The following ERMARD variants were observed in gnomAD, a reference collection of about 807,000 sequenced individuals.
ERMARD encodes ER membrane associated RNA degradation.
In ERMARD, 71 loss-of-function variants were observed where a neutral mutation model predicts 83.9. That is an observed-to-expected ratio of 0.85 (90% confidence interval 0.70 to 1.03). ERMARD has a LOEUF of 1.03. Among genes scored for constraint, ERMARD ranks in the 50% least tolerant of loss-of-function variants. ERMARD has a pLI of 0.00. For synonymous variants in ERMARD, 284 were observed against 298.6 expected, an observed-to-expected ratio of 0.95 and a Z score of 0.50; for missense variants, 838 against 810.9, an observed-to-expected ratio of 1.03 and a Z score of -0.41.
Position 169,764,875 on chromosome 6 carries a change from A to C in ERMARD, c.961-1763A>C, listed in dbSNP as rs138765273. Reference sequence around the variant, plus strand: ...CACAAAAGCGACCTTCCAGAGGCTCATCTACTCAAAGGTGGAGGCTGCTTT... The same window carrying C: ...CACAAAAGCGACCTTCCAGAGGCTCCTCTACTCAAAGGTGGAGGCTGCTTT... On this transcript the variant is annotated intron_variant, in intron 9 of 17. Transcript: ENST00000366773. Among the ~76,000 whole-genome samples the C allele has an allele frequency of 2.6e-5, 4 of 152,314 alleles. No individual in the cohort carries two copies. In the East Asian group the frequency reaches 7.7e-4, roughly 29 times the overall value.
At position 169,759,020 on chromosome 6, in the gene ERMARD, A is replaced by G; in HGVS notation, c.560A>G (p.Asn187Ser). The G allele has an allele frequency of 6.2e-7, 1 of 1,614,084 alleles. No homozygotes were observed. The highest frequency in any genetic ancestry group is 8.5e-7 in the Non-Finnish European group (1 of 1,179,984). ...VGSPCGLNLR[N>S]VLWHGFASPE... Reference sequence around the variant, plus strand: ...TCTCCGTGTGGTCTCAACCTGCGTAACGTCTTATGGCATGGGTTTGCGTCA... The same window carrying G: ...TCTCCGTGTGGTCTCAACCTGCGTAGCGTCTTATGGCATGGGTTTGCGTCA... Residue 187 changes from asparagine to serine, a missense_variant, in exon 6 of 18, where the codon AAC (asparagine) becomes AGC (serine). Physicochemically the swap from Asn to Ser is conservative, Grantham distance 46. Coordinates refer to ENST00000366773, the MANE Select transcript of ERMARD (RefSeq NM_018341.3).
At position 169,775,288 on chromosome 6, in the gene ERMARD, A is replaced by G. The variant is rs769990453; in HGVS notation, c.1336A>G (p.Ser446Gly). The G allele has an allele frequency of 3.1e-6, 5 of 1,614,222 alleles. No individual in the cohort carries two copies. In the South Asian group the frequency reaches 4.4e-5, roughly 14 times the overall value. ...LKKQVLSCEE[S>G]IRVWALLPFP... is the part of the protein sequence containing the mutation. Reference sequence around the variant, plus strand: ...CTCCCAGGTGCTGAGCTGTGAGGAGAGCATCAGGGTTTGGGCTCTGCTGCC... The same window carrying G: ...CTCCCAGGTGCTGAGCTGTGAGGAGGGCATCAGGGTTTGGGCTCTGCTGCC... Residue 446 changes from serine (S) to glycine (G), a missense_variant, in exon 14 of 18, where the codon AGC (serine) becomes GGC (glycine). Physicochemically the swap from Ser to Gly is moderately conservative, Grantham distance 56. Transcript: ENST00000366773.
chr6:169,755,035 T>C (rs1324839837), intron 2 of ERMARD, among the ~76,000 whole-genome samples: 2 of 152,210 alleles, frequency 1.3e-5, no homozygotes, highest in Non-Finnish European at 2.9e-5. Flanking sequence ...CAAAATAGTT[T>C]TCTCTTGTTT....
chr6:169,756,429 C>A lies in ERMARD; in HGVS notation c.407C>A (p.Ala136Asp). 6.2e-7 allele frequency: 1 copy of A among 1,605,648 alleles called. No homozygotes were observed. Residue 136 changes from alanine to aspartate, a missense_variant, in exon 4 of 18, where the codon GCC becomes GAC. Physicochemically the swap from Ala to Asp is moderately radical, Grantham distance 126. Transcript: ENST00000366773. Reference sequence around the variant, plus strand: ...AAACTGACATCGTGTCTAGAACGAGCCTTGGGTGATGTAAGTGTGAGAACT... The same window carrying A: ...AAACTGACATCGTGTCTAGAACGAGACTTGGGTGATGTAAGTGTGAGAACT... ...LMKLTSCLER[A>D]LGDVFLLIGK...
chr6:169,762,561 C>T (rs750959926), intron 9 of ERMARD, 30 bp downstream of exon 9: 3 of 1,565,666 alleles, frequency 1.9e-6, no homozygotes, highest in African/African-American at 2.7e-5. Flanking sequence ...TGATTGTGAT[C>T]ATTGTTGCTG....
Position 169,755,394 on chromosome 6 carries a change from C to T in ERMARD, c.287C>T (p.Pro96Leu), listed in dbSNP as rs765374947. Residue 96 changes from proline to leucine, a missense_variant, in exon 3 of 18, where the codon CCG (proline) becomes CTG (leucine). Coordinates refer to ENST00000366773, the MANE Select transcript of ERMARD (RefSeq NM_018341.3). ...TKGQFEIRYA[P>L]WFQWTSFPEL... is the part of the protein sequence containing the mutation. ...GGGCAATTTGAAATTCGATATGCAC[C>T]GTGGTTCCAGTGGACAAGTTTTCCA... 19 of 1,613,978 alleles carry T rather than the reference C, an allele frequency of 1.2e-5. No individual in the cohort carries two copies. The highest frequency in any genetic ancestry group is 2.2e-5 in the East Asian group (1 of 44,882).
chr6:169,762,442 G>GC lies in ERMARD; in HGVS notation c.873dup (p.Ile292HisfsTer12). On this transcript the variant is annotated frameshift_variant, in exon 9 of 18. Transcript: ENST00000366773. LOFTEE classifies it high-confidence loss of function. ...TCAATTTCATAGGTTTGCTGACTGC[G>GC]CCATATTGTTGCTGACACAACTGGA... 6.2e-7 allele frequency: 1 copy of GC among 1,613,746 alleles called. No homozygotes were observed. The highest frequency in any genetic ancestry group is 8.5e-7 in the Non-Finnish European group (1 of 1,179,876).
chr6:169,751,728 G>T (rs1050474518), intron 1 of ERMARD, 65 bp downstream of exon 1: 1 of 1,496,604 alleles, frequency 6.7e-7, no homozygotes, highest in Admixed American at 2.4e-5. Context: ...AGGCTGGGTG[G>T]TGCTCGGCTA....
Position 169,776,661 on chromosome 6 carries a change from G to C in ERMARD, c.1727G>C (p.Arg576Pro). 1 of 1,613,708 alleles carries C rather than the reference G, an allele frequency of 6.2e-7. No homozygotes were observed. The highest frequency in any genetic ancestry group is 1.1e-5 in the South Asian group (1 of 91,060). The change falls in exon 16 of 18, where the codon CGT becomes CCT. Residue 576 changes from arginine to proline, a missense_variant. Coordinates refer to ENST00000366773, the MANE Select transcript of ERMARD (RefSeq NM_018341.3). ...LRSRQRQNYL[R>P]MWSSIRLLSP... The stretch of plus-strand genomic sequence containing the variant: ...TCTCGCCAGCGGCAGAACTACCTGC[G>C]TATGTGGAGTAGGTGCGCGCTCACT...
chr6:169,759,326 AC>A (rs1791223167), intron 6 of ERMARD, among the ~76,000 whole-genome samples: 1 of 151,616 alleles, frequency 6.6e-6, no homozygotes, highest in Non-Finnish European at 1.5e-5. Flanking sequence ...TGGGTGGGAG[AC>A]CCTGAGTTTC....
In ERMARD at chr6:169,762,624, T is replaced by C; in HGVS notation, c.960+93T>C. 3 of 1,053,162 alleles carry C rather than the reference T, an allele frequency of 2.8e-6. No individual in the cohort carries two copies. In the South Asian group the frequency reaches 4.5e-5, roughly 16 times the overall value. The allele number at this position is 1,053,162 out of a possible 1,614,324, so 65.2% of individuals were successfully genotyped here. A position where few individuals can be genotyped will look rare whatever the true frequency, so the allele number is the denominator to read the frequency against. The stretch of plus-strand genomic sequence containing the variant: ...AAGTTTTTAAAAATGTTATTCTGTT[T>C]CACATTAAAATGATTTTAATTTAGC... On this transcript the variant is annotated intron_variant, in intron 9 of 17. Coordinates refer to ENST00000366773, the MANE Select transcript of ERMARD (RefSeq NM_018341.3).
At chr6:169,775,479 C>G (rs1450198890) in intron 14 of ERMARD, 133 bp downstream of exon 14, 1 of 984,556 alleles carries the variant, frequency 1.0e-6, no homozygotes. Context: ...GTGGCTGATG[C>G]AGGCTGTGGG....
In ERMARD at chr6:169,759,005, G is replaced by T; in HGVS notation, c.545G>T (p.Gly182Val). 1 of 1,614,102 alleles carries T rather than the reference G, an allele frequency of 6.2e-7. No individual in the cohort carries two copies. Among genetic ancestry groups the T allele is most frequent in the Non-Finnish European group, 8.5e-7 (1 of 1,180,000 alleles). The stretch of plus-strand genomic sequence containing the variant: ...AAAGTCTTCGTTGGCTCTCCGTGTG[G>T]TCTCAACCTGCGTAACGTCTTATGG... ...VLKVFVGSPC[G>V]LNLRNVLWHG... The change falls in exon 6 of 18, where the codon GGT (glycine) becomes GTT (valine). Residue 182 changes from glycine (G) to valine (V), a missense_variant. Transcript: ENST00000366773.
rs369772652 is a variant in ERMARD at position 169,773,403 on chromosome 6, G to T, written c.1317+1G>T. On this transcript the variant is annotated splice_donor_variant, in intron 13 of 17. Coordinates refer to ENST00000366773, the MANE Select transcript of ERMARD (RefSeq NM_018341.3). LOFTEE classifies it high-confidence loss of function. ...TCCGGTTTTTCAGCTTAAAAAACAG[G>T]TATGCCAAATGCAGGGTCCCGGGAG... 6.2e-6 allele frequency: 10 copies of T among 1,614,128 alleles called. No homozygotes were observed. The highest frequency in any genetic ancestry group is 7.6e-6 in the Non-Finnish European group (9 of 1,179,996).
At chr6:169,761,097 AAC>A (rs1791492035) in intron 8 of ERMARD, among the ~76,000 whole-genome samples, 1 of 152,208 alleles carries the variant, frequency 6.6e-6, no homozygotes. Context: ...CTGAGGAGCA[AAC>A]ACATGTATGG....
intron 14 of ERMARD, 123 bp downstream of exon 14, chr6:169,775,469 G>T (rs767161334): frequency 1.4e-5 from 15 of 1,080,540 alleles, no homozygotes; most frequent in Non-Finnish European, 1.9e-5. Flanking sequence ...CTGGGCCTTG[G>T]TGGCTGATGC....
rs1446817105 is a variant in ERMARD, at chr6:169,757,033, A to G, written c.507+225A>G. Among the ~76,000 whole-genome samples the G allele has an allele frequency of 2.6e-5, 4 of 152,196 alleles. No individual in the cohort carries two copies. In the East Asian group the frequency reaches 7.7e-4, roughly 29 times the overall value. On this transcript the variant is annotated intron_variant, in intron 5 of 17. Coordinates refer to ENST00000366773, the MANE Select transcript of ERMARD (RefSeq NM_018341.3). ...AGTGGAGACCCCTGATAAACCCATC[A>G]GATCTCATGAGACTTATTCACTATC... is the stretch of plus-strand genomic sequence containing the variant.
Position 169,762,409 on chromosome 6 carries a change from T to A in ERMARD, c.858-20T>A, listed in dbSNP as rs766417595. On this transcript the variant is annotated intron_variant, in intron 8 of 17. Transcript: ENST00000366773. ...TTTTTGAAATGTGGAGTTTTACCTC[T>A]TTTCCCTTCAATTTCATAGGTTTGC... 2.5e-6 allele frequency: 4 copies of A among 1,602,384 alleles called. No individual in the cohort carries two copies. In the East Asian group the frequency reaches 8.9e-5, roughly 36 times the overall value.
At chr6:169,769,799 TAATC>T (rs1315507319) in intron 12 of ERMARD, 86 bp downstream of exon 12, 1 of 1,245,220 alleles carries the variant, frequency 8.0e-7, no homozygotes, top group East Asian at 2.6e-5. Flanking sequence ...AATTAACTGT[TAATC>T]ATCTTTTAAT....
Sources: gnomAD v4.1 joint callset for allele counts (sites outside exome capture counted in the v4.1 genomes callset) on GRCh38, gnomAD v4.1.1 for gene constraint, MANE v1.5 for transcripts, NCBI Gene and HGNC (gene_info 2026-07-23, HGNC 2026-07-21) for gene names.